The following KLHL2 variants were observed in gnomAD, a reference collection of about 807,000 sequenced individuals.
KLHL2 encodes the protein kelch-like protein 2.
In KLHL2, 15 loss-of-function variants were observed where a neutral mutation model predicts 75.8. The ratio of observed to expected loss-of-function variants is 0.20; its 90% CI spans 0.13 to 0.30. The LOEUF (loss-of-function observed/expected upper bound fraction) is 0.30, where lower values mean the gene tolerates loss of function less well. Among genes scored for constraint, KLHL2 ranks in the 10% least tolerant of loss-of-function variants. The pLI is 1.00. For synonymous variants in KLHL2, 214 were observed against 251.9 expected (o/e 0.85, Z 1.42); for missense variants, 381 against 741.0 (o/e 0.51, Z 5.64).
chr4:165,278,292 G>T (rs1743326124), intron 5 of KLHL2: 2 of 1,061,090 alleles, frequency 1.9e-6, no homozygotes, highest in Admixed American at 1.7e-5. Context: ...GTGGTTTCGG[G>T]CATCAAGGGC....
intron 4 of KLHL2, among the ~76,000 whole-genome samples, chr4:165,262,127 TG>T (rs759122632): frequency 2.3e-4 from 35 of 152,244 alleles, no homozygotes; most frequent in Non-Finnish European, 3.8e-4. Flanking sequence ...TTTCTATTAT[TG>T]ACTTATTTGA....
intron 5 of KLHL2, among the ~76,000 whole-genome samples, chr4:165,273,857 G>T (rs931576120): frequency 6.6e-6 from 1 of 152,158 alleles, no homozygotes; most frequent in African/African-American, 2.4e-5. Flanking sequence ...ATAGGAAGTG[G>T]GGAGATAAGG....
At chr4:165,243,567 CAA>C (rs1486170460) in intron 4 of KLHL2, among the ~76,000 whole-genome samples, 1 of 152,136 alleles carries the variant, frequency 6.6e-6, no homozygotes, top group African/African-American at 2.4e-5. Context: ...AGAAATGAAA[CAA>C]AATTTAAATG....
intron 4 of KLHL2, among the ~76,000 whole-genome samples, chr4:165,253,870 A>G (rs1740944260): frequency 6.6e-6 from 1 of 152,240 alleles, no homozygotes; most frequent in African/African-American, 2.4e-5. Flanking sequence ...GTCCCTGTTT[A>G]TTGATGAGTA....
chr4:165,296,321 A>C (rs1744906891), intron 6 of KLHL2, among the ~76,000 whole-genome samples: 1 of 152,098 alleles, frequency 6.6e-6, no homozygotes, highest in Non-Finnish European at 1.5e-5. Flanking sequence ...TCTTCTCTGT[A>C]ACTTGCATGG....
intron 4 of KLHL2, among the ~76,000 whole-genome samples, chr4:165,242,418 C>T (rs1739886856): frequency 1.3e-5 from 2 of 152,236 alleles, no homozygotes; most frequent in Admixed American, 6.5e-5. Flanking sequence ...ATTTTCAATA[C>T]ACTTTCAGAG....
At chr4:165,313,965 C>G (rs1270955689) in intron 12 of KLHL2, 61 bp from the exon 13 acceptor site, 2 of 1,522,510 alleles carry the variant, frequency 1.3e-6, no homozygotes, top group Non-Finnish European at 1.8e-6. Context: ...TTAAATAAAC[C>G]TAATATGATA....
At chr4:165,269,576 T>C (rs1742515291) in intron 5 of KLHL2, among the ~76,000 whole-genome samples, 1 of 149,594 alleles carries the variant, frequency 6.7e-6, no homozygotes, top group Non-Finnish European at 1.5e-5. Flanking sequence ...CTTATGAAGC[T>C]GAGTTTGGCT....
chr4:165,313,123 G>A (rs751571945), intron 11 of KLHL2, 115 bp from the exon 12 acceptor site: 1 of 1,003,918 alleles, frequency 1.0e-6, no homozygotes, highest in Non-Finnish European at 1.4e-6. Flanking sequence ...CACTTTAAGG[G>A]GAAACTCTGC....
At chr4:165,303,375 A>T (rs1458291907) in intron 8 of KLHL2, among the ~76,000 whole-genome samples, 1 of 152,010 alleles carries the variant, frequency 6.6e-6, no homozygotes, top group African/African-American at 2.4e-5. Context: ...TCTTCATCAG[A>T]TATATCATCT....
chr4:165,278,224 A>C (rs1273242237), intron 5 of KLHL2: 2 of 1,173,838 alleles, frequency 1.7e-6, no homozygotes, highest in Admixed American at 3.4e-5. Context: ...CCTCAGGTTC[A>C]AGACTCCATA....
chr4:165,219,742 T>A (rs1348709951), intron 1 of KLHL2, 192 bp from the exon 2 acceptor site: 8 of 1,281,348 alleles, frequency 6.2e-6, no homozygotes, highest in Non-Finnish European at 7.0e-6. Flanking sequence ...CACTTTTTAA[T>A]TGAAACCATA....
chr4:165,252,227 ATT>A (rs373465392), intron 4 of KLHL2, among the ~76,000 whole-genome samples: 2 of 150,322 alleles, frequency 1.3e-5, no homozygotes, highest in African/African-American at 4.9e-5. Context: ...TTCAAAGTGG[ATT>A]TTTTTTTTCT....
chr4:165,232,312 A>T (rs1361268155), intron 3 of KLHL2, among the ~76,000 whole-genome samples: 2 of 151,762 alleles, frequency 1.3e-5, no homozygotes, highest in Non-Finnish European at 2.9e-5. Flanking sequence ...CTGTAGTCCC[A>T]CCTACTCGGG....
rs560012127 is a variant in KLHL2 at position 165,237,486 on chromosome 4, G to A, written c.260-1292G>A. 8.6e-5 allele frequency among the ~76,000 whole-genome samples: 13 copies of A among 151,260 alleles called. 1 individual carries two copies. In the East Asian group the frequency reaches 2.5e-3, roughly 29 times the overall value. ...GCTCTGAGATGAACAGCTTCTTTCT[G>A]AGATCTTGTCAAAGATAATCTCCAG... On this transcript the variant is annotated intron_variant, in intron 3 of 14. Transcript: ENST00000226725.
At chr4:165,225,675 G>T (rs1337612676) in intron 2 of KLHL2, among the ~76,000 whole-genome samples, 1 of 152,148 alleles carries the variant, frequency 6.6e-6, no homozygotes, top group Non-Finnish European at 1.5e-5. Flanking sequence ...TTGGAAAGAG[G>T]TAAGGGCCAG....
intron 1 of KLHL2, among the ~76,000 whole-genome samples, chr4:165,213,146 G>A (rs1439717456): frequency 6.6e-6 from 1 of 152,182 alleles, no homozygotes; most frequent in Non-Finnish European, 1.5e-5. Flanking sequence ...TCAGTCCCCA[G>A]GAACTGTGGT....
intron 4 of KLHL2, among the ~76,000 whole-genome samples, chr4:165,246,108 C>T (rs1740239765): frequency 6.6e-6 from 1 of 151,956 alleles, no homozygotes; most frequent in African/African-American, 2.4e-5. Context: ...GGGGAGGAGT[C>T]ATTTGAGCAG....
chr4:165,303,769 G>T (rs745791546), intron 8 of KLHL2, among the ~76,000 whole-genome samples: 7 of 151,916 alleles, frequency 4.6e-5, no homozygotes, highest in Non-Finnish European at 7.4e-5. Context: ...CGCCATCTTG[G>T]CCAGGCTGGT....
Sources: allele counts gnomAD v4.1 joint callset (sites outside exome capture counted in the v4.1 genomes callset), GRCh38; gene constraint gnomAD v4.1.1; transcripts MANE v1.5; gene names NCBI Gene and HGNC (gene_info 2026-07-23, HGNC 2026-07-21).